Variants in PEBP4 observed in about 807,000 individuals in gnomAD.
The protein encoded by PEBP4 is phosphatidylethanolamine binding protein 4.
In PEBP4, 22 loss-of-function variants were observed where a neutral mutation model predicts 23.9. That is an observed-to-expected ratio of 0.92 (90% CI 0.66 to 1.31). PEBP4 has a LOEUF of 1.31. PEBP4 is among the 40% of genes most tolerant of loss of function. The probability of loss-of-function intolerance (pLI) is 0.00; values close to 1 mark genes in which losing one functional copy is unlikely to be tolerated. For synonymous variants in PEBP4, 112 were observed against 99.3 expected (o/e 1.13, Z -0.76); for missense variants, 324 against 281.7 (o/e 1.15, Z -1.07).
intron 3 of PEBP4, among the ~76,000 whole-genome samples, chr8:22,869,682 AC>A (rs1264163181): frequency 6.6e-6 from 1 of 152,240 alleles, no homozygotes; most frequent in East Asian, 1.9e-4. Flanking sequence ...GGGATCCGAA[AC>A]ATACAAAGAA....
At chr8:22,825,960 C>T (rs911446699) in intron 3 of PEBP4, among the ~76,000 whole-genome samples, 7 of 152,090 alleles carry the variant, frequency 4.6e-5, no homozygotes, top group African/African-American at 1.7e-4. Context: ...TGTGATTCCA[C>T]GTACATGATA....
Position 22,713,347 on chromosome 8 carries a change from G to A in PEBP4, c.*23C>T, listed in dbSNP as rs746376527. On this transcript the variant is annotated 3_prime_UTR_variant, in exon 7 of 7. Coordinates refer to ENST00000256404, the MANE Select transcript of PEBP4 (RefSeq NM_144962.3). ...TCGGTGGTGGGCAGTGTGGCCACAT[G>A]CCCGGATGGCAAAGCCGGCTATCTA... 2 of 1,560,348 alleles carry A rather than the reference G, an allele frequency of 1.3e-6. No individual in the cohort carries two copies. The highest frequency in any genetic ancestry group is 1.9e-5 in the Admixed American group (1 of 53,318).
Position 22,770,075 on chromosome 8 carries a change from G to A in PEBP4, c.358-42855C>T, listed in dbSNP as rs533229306. 7.2e-5 allele frequency among the ~76,000 whole-genome samples: 11 copies of A among 152,214 alleles called. No individual in the cohort carries two copies. The South Asian group carries it at 1.0e-3, about 14-fold the overall frequency. ...TTCGAAATGCTTCAGTTTCCTACAC[G>A]TCAAATCCTAGGCAGCCATCAGCCC... On this transcript the variant is annotated intron_variant, in intron 4 of 6. Coordinates refer to ENST00000256404, the MANE Select transcript of PEBP4 (RefSeq NM_144962.3).
rs116294095 is a variant in PEBP4, at chr8:22,752,475, C to T, written c.358-25255G>A. Among the ~76,000 whole-genome samples, 540 of 152,354 alleles carry T rather than the reference C, an allele frequency of 3.5e-3. 6 individuals carry two copies. The highest frequency in any genetic ancestry group is 0.013 in the African/African-American group (525 of 41,580). On this transcript the variant is annotated intron_variant, in intron 4 of 6. Coordinates refer to ENST00000256404, the MANE Select transcript of PEBP4 (RefSeq NM_144962.3). ...AATCCAAAAGGCCCAAATCCACACC[C>T]TTGGTTAACGGGTTTCCAGCCTGGG...
intron 3 of PEBP4, among the ~76,000 whole-genome samples, chr8:22,883,560 G>A (rs760327418): frequency 5.9e-5 from 9 of 151,444 alleles, no homozygotes; most frequent in Non-Finnish European, 8.8e-5. Flanking sequence ...TAGTTCCTTC[G>A]ACAGAAAAAT....
chr8:22,763,484 G>T (rs1805552163), intron 4 of PEBP4, among the ~76,000 whole-genome samples: 3 of 152,218 alleles, frequency 2.0e-5, no homozygotes, highest in Admixed American at 6.5e-5. Flanking sequence ...GCTGGCCCTA[G>T]AGCGTGTAGC....
At chr8:22,747,040 G>T (rs1174593609) in intron 4 of PEBP4, among the ~76,000 whole-genome samples, 1 of 152,094 alleles carries the variant, frequency 6.6e-6, no homozygotes, top group Non-Finnish European at 1.5e-5. Context: ...TCAGCACATT[G>T]CCCAGGCTGG....
At chr8:22,728,604 CT>C (rs1804671707) in intron 4 of PEBP4, among the ~76,000 whole-genome samples, 1 of 121,390 alleles carries the variant, frequency 8.2e-6, no homozygotes, top group African/African-American at 2.9e-5. Flanking sequence ...TCCTTCCTTC[CT>C]TCCTTCCCTT....
intron 6 of PEBP4, 23 bp from the exon 7 acceptor site, chr8:22,713,559 G>A (rs1182434116): frequency 1.9e-6 from 3 of 1,614,072 alleles, no homozygotes; most frequent in Non-Finnish European, 1.7e-6. Context: ...ACAGACCACA[G>A]GGAGGCAGTG....
At chr8:22,721,845 CCGTA>C (rs1804525112) in intron 6 of PEBP4, among the ~76,000 whole-genome samples, 1 of 152,144 alleles carries the variant, frequency 6.6e-6, no homozygotes, top group Non-Finnish European at 1.5e-5. Context: ...GCCCTGGGCT[CCGTA>C]AGTCCCCAGG....
At chr8:22,792,836 G>T (rs1379265394) in intron 4 of PEBP4, among the ~76,000 whole-genome samples, 1 of 152,036 alleles carries the variant, frequency 6.6e-6, no homozygotes, top group African/African-American at 2.4e-5. Flanking sequence ...ATTGCGGTGG[G>T]TGGTAGGGAG....
chr8:22,866,067 G>T (rs1429336430), intron 3 of PEBP4, among the ~76,000 whole-genome samples: 1 of 152,210 alleles, frequency 6.6e-6, no homozygotes, highest in Non-Finnish European at 1.5e-5. Flanking sequence ...CCAGAGACGA[G>T]CCCCAAGAAA....
At chr8:22,825,508 T>C (rs934220350) in intron 3 of PEBP4, among the ~76,000 whole-genome samples, 9 of 152,238 alleles carry the variant, frequency 5.9e-5, no homozygotes, top group Non-Finnish European at 8.8e-5. Context: ...CCTAGTAAAA[T>C]GCCAGCCTTT....
intron 3 of PEBP4, among the ~76,000 whole-genome samples, chr8:22,894,329 T>C (rs1472044332): frequency 6.6e-6 from 1 of 152,140 alleles, no homozygotes; most frequent in Non-Finnish European, 1.5e-5. Context: ...CCCAGCACTT[T>C]GGGAAGCCAA....
At chr8:22,907,695 T>C (rs1232192825) in intron 3 of PEBP4, among the ~76,000 whole-genome samples, 2 of 151,832 alleles carry the variant, frequency 1.3e-5, no homozygotes, top group Admixed American at 6.6e-5. Flanking sequence ...TGGGGAGGAA[T>C]TGAAGGATTT....
intron 3 of PEBP4, among the ~76,000 whole-genome samples, chr8:22,821,733 C>T (rs1359968137): frequency 6.6e-6 from 1 of 151,686 alleles, no homozygotes; most frequent in African/African-American, 2.4e-5. Flanking sequence ...TGCCTATAAT[C>T]CCAGCACTTT....
rs1272301343 is a variant in PEBP4, at chr8:22,713,530, C to T, written c.524G>A (p.Trp175Ter). 6.2e-7 allele frequency: 1 copy of T among 1,614,132 alleles called. No homozygotes were observed. The highest frequency in any genetic ancestry group is 1.7e-5 in the Admixed American group (1 of 60,018). Residue 175 changes from tryptophan (W) to a stop codon, truncating the protein, a stop_gained, in exon 7 of 7, where the codon TGG becomes TAG. Coordinates refer to ENST00000256404, the MANE Select transcript of PEBP4 (RefSeq NM_144962.3). LOFTEE classifies it low-confidence loss of function (END_TRUNC). ...ACGGTTCAGAAATCTGTCCATTTTC[C>T]AAGAGCCTGGAAGGACAAACAGACC... is the stretch of plus-strand genomic sequence containing the variant. ...LPKENKTRGS[W>*]KMDRFLNRFH...
At chr8:22,768,055 G>A (rs945478516) in intron 4 of PEBP4, among the ~76,000 whole-genome samples, 1 of 152,122 alleles carries the variant, frequency 6.6e-6, no homozygotes, top group Non-Finnish European at 1.5e-5. Flanking sequence ...TTTTTGAAAA[G>A]TACCTTGGAA....
intron 3 of PEBP4, among the ~76,000 whole-genome samples, chr8:22,859,789 A>ACAACCTAC (rs1161696885): frequency 6.6e-6 from 1 of 151,964 alleles, no homozygotes; most frequent in African/African-American, 2.4e-5. Flanking sequence ...TTCCTTGCAT[A>ACAACCTAC]CAACCTACAC....
Sources: allele counts gnomAD v4.1 joint callset (sites outside exome capture counted in the v4.1 genomes callset), GRCh38; gene constraint gnomAD v4.1.1; transcripts MANE v1.5; gene names NCBI Gene and HGNC (gene_info 2026-07-23, HGNC 2026-07-21).